Variants in CTBP2 observed in about 807,000 individuals in gnomAD.
The protein encoded by CTBP2 is C-terminal-binding protein 2.
CTBP2 carries 30 observed loss-of-function variants against 80.3 expected under a neutral mutation model. The ratio of observed to expected loss-of-function variants is 0.37; its 90% CI spans 0.28 to 0.51. The LOEUF (loss-of-function observed/expected upper bound fraction) is 0.51, where lower values mean the gene tolerates loss of function less well. Among genes scored for constraint, CTBP2 ranks in the 20% least tolerant of loss-of-function variants. The pLI is 0.93. For synonymous variants in CTBP2, 594 were observed against 587.4 expected, an observed-to-expected ratio of 1.01 and a Z score of -0.16; for missense variants, 1,212 against 1,375.3, an observed-to-expected ratio of 0.88 and a Z score of 1.88.
chr10:125,065,257 G>A (rs1014788777), intron 2 of CTBP2, among the ~76,000 whole-genome samples: 5 of 152,172 alleles, frequency 3.3e-5, no homozygotes, highest in African/African-American at 1.2e-4. Flanking sequence ...TCTTGCAACT[G>A]GGGCACTCTG....
intron 2 of CTBP2, among the ~76,000 whole-genome samples, chr10:125,070,726 T>C (rs1297309466): frequency 1.3e-5 from 2 of 152,126 alleles, no homozygotes; most frequent in Admixed American, 1.3e-4. Context: ...AGTGCAGTGG[T>C]GTGATCTCAG....
At chr10:125,099,995 G>A (rs889000068) in intron 2 of CTBP2, among the ~76,000 whole-genome samples, 6 of 152,122 alleles carry the variant, frequency 3.9e-5, no homozygotes, top group Admixed American at 1.3e-4. Flanking sequence ...CTGGGGGGGC[G>A]GACACAGAAG....
At chr10:125,095,666 A>G (rs1320716058) in intron 2 of CTBP2, among the ~76,000 whole-genome samples, 1 of 152,302 alleles carries the variant, frequency 6.6e-6, no homozygotes, top group East Asian at 1.9e-4. Context: ...GTGGCTCCTG[A>G]TGACTTTTCG....
At chr10:125,009,740 G>GC in intron 1 of CTBP2, among the ~76,000 whole-genome samples, 1 of 152,298 alleles carries the variant, frequency 6.6e-6, no homozygotes, top group East Asian at 1.9e-4. Context: ...TGGGACGTAC[G>GC]CAAGTGCCTC....
intron 1 of CTBP2, among the ~76,000 whole-genome samples, chr10:125,018,546 AAC>A (rs1208013927): frequency 2.1e-4 from 24 of 116,796 alleles, no homozygotes; most frequent in African/African-American, 8.4e-4. Flanking sequence ...GACCAAACCA[AAC>A]CAACCAACAA....
At chr10:124,993,059 A>AT (rs1343717563) in intron 7 of CTBP2, 143 bp downstream of exon 9, 1 of 1,098,534 alleles carries the variant, frequency 9.1e-7, no homozygotes, top group Non-Finnish European at 1.3e-6. Context: ...GCTTACGTAA[A>AT]TAAACAGGGC....
intron 1 of CTBP2, chr10:125,122,755 A>G (rs1854549308): frequency 6.6e-6 from 1 of 152,214 alleles, no homozygotes; most frequent in African/African-American, 2.4e-5. Context: ...CTGAGACGCG[A>G]CGAGGTAAGA....
intron 1 of CTBP2, among the ~76,000 whole-genome samples, chr10:125,128,077 T>C (rs148723642): frequency 6.6e-6 from 1 of 152,156 alleles, no homozygotes; most frequent in Non-Finnish European, 1.5e-5. Context: ...CTGAGGCCCA[T>C]GAGGCTAGCA....
chr10:125,149,587 C>A (rs962618714), intron 1 of CTBP2, among the ~76,000 whole-genome samples: 5 of 152,210 alleles, frequency 3.3e-5, no homozygotes, highest in African/African-American at 1.2e-4. Flanking sequence ...CCACCCCCGG[C>A]CCCACCAGAG....
At chr10:125,094,675 G>A (rs1849286720) in intron 2 of CTBP2, among the ~76,000 whole-genome samples, 1 of 152,146 alleles carries the variant, frequency 6.6e-6, no homozygotes, top group Non-Finnish European at 1.5e-5. Context: ...GCATCGGGTG[G>A]GGAGAGGCCA....
intron 1 of CTBP2, among the ~76,000 whole-genome samples, chr10:125,128,707 A>C (rs1855664075): frequency 6.6e-6 from 1 of 152,256 alleles, no homozygotes; most frequent in South Asian, 2.1e-4. Context: ...GCTGACTTCC[A>C]TACATGATCA....
At chr10:125,098,774 G>GAGAGAGAGAGAGAGAGAGAC (rs1564915121) in intron 2 of CTBP2, among the ~76,000 whole-genome samples, 2 of 142,062 alleles carry the variant, frequency 1.4e-5, no homozygotes, top group African/African-American at 5.4e-5. Flanking sequence ...GAGAGAGAGA[G>GAGAGAGAGAGAGAGAGAGAC]AGAGACAGAG....
intron 1 of CTBP2, among the ~76,000 whole-genome samples, chr10:125,129,276 G>A (rs1271884821): frequency 6.6e-6 from 1 of 152,128 alleles, no homozygotes; most frequent in East Asian, 1.9e-4. Context: ...ACTTTCCGGA[G>A]TGACTGTAGC....
At chr10:125,108,454 G>A (rs1450808907) in intron 2 of CTBP2, among the ~76,000 whole-genome samples, 11 of 152,224 alleles carry the variant, frequency 7.2e-5, no homozygotes, top group Non-Finnish European at 1.5e-5. Context: ...TAAAAGATGT[G>A]TCTAGACCAG....
intron 3 of CTBP2, among the ~76,000 whole-genome samples, chr10:125,033,171 G>T (rs949319612): frequency 6.6e-6 from 1 of 152,204 alleles, no homozygotes; most frequent in African/African-American, 2.4e-5. Context: ...AAACCCTCAG[G>T]TGATGAGAAA....
chr10:125,006,162 C>A, intron 1 of CTBP2: 1 of 400,396 alleles, frequency 2.5e-6, no homozygotes, highest in Non-Finnish European at 4.0e-6. Context: ...GCCGGGCACG[C>A]AGAACGTGGC....
chr10:125,140,200 A>C (rs924881705), intron 1 of CTBP2, among the ~76,000 whole-genome samples: 5 of 152,066 alleles, frequency 3.3e-5, no homozygotes, highest in African/African-American at 1.2e-4. Flanking sequence ...ACCCAGAAGA[A>C]GCCAAGAATG....
In CTBP2 at chr10:124,984,668, G is replaced by T; in HGVS notation, c.*4850C>A. On this transcript the variant is annotated 3_prime_UTR_variant, in exon 9 of 9. Transcript: ENST00000309035. ...ACCATGTGAAAAGTTGATTGCTTTG[G>T]CCTTTTCATGAGTTAGCATACCAGC... 8.9e-7 allele frequency: 1 copy of T among 1,127,382 alleles called. No individual in the cohort carries two copies. The highest frequency in any genetic ancestry group is 1.3e-6 in the Non-Finnish European group (1 of 793,230). The allele number at this position is 1,127,382 out of a possible 1,614,324, so 69.8% of individuals were successfully genotyped here. A position where few individuals can be genotyped will look rare whatever the true frequency, so the allele number is the denominator to read the frequency against.
At chr10:125,015,103 G>A (rs1956335753) in intron 1 of CTBP2, among the ~76,000 whole-genome samples, 2 of 152,318 alleles carry the variant, frequency 1.3e-5, no homozygotes, top group East Asian at 1.9e-4. Flanking sequence ...CTGAGTGACC[G>A]GAGCCCGAGG....
Sources: allele counts gnomAD v4.1 joint callset (sites outside exome capture counted in the v4.1 genomes callset), GRCh38; gene constraint gnomAD v4.1.1; transcripts MANE v1.5; gene names NCBI Gene and HGNC (gene_info 2026-07-23, HGNC 2026-07-21).